The following AFF1 variants were observed in gnomAD, a reference collection of about 807,000 sequenced individuals.
AFF1 encodes AF4/FMR2 family member 1.
A neutral mutation model predicts 121.7 loss-of-function variants in AFF1; 48 were observed. That is an observed-to-expected ratio of 0.39 (90% CI 0.31 to 0.50). The LOEUF (loss-of-function observed/expected upper bound fraction) is 0.50, where lower values mean the gene tolerates loss of function less well. Ranked by LOEUF, AFF1 falls within the 20% of genes least tolerant of loss-of-function variation. AFF1 has a pLI of 0.76. For missense variants in AFF1, 1,523 were observed against 1,511.7 expected, an observed-to-expected ratio of 1.01 and a Z score of -0.12; for synonymous variants, 613 against 563.0, an observed-to-expected ratio of 1.09 and a Z score of -1.26.
chr4:86,945,793 A>G (rs1338199977), intron 1 of AFF1, among the ~76,000 whole-genome samples: 1 of 152,020 alleles, frequency 6.6e-6, no homozygotes, highest in African/African-American at 2.4e-5. Flanking sequence ...TGCTTGGCCC[A>G]TGGAGGATTA....
intron 4 of AFF1, among the ~76,000 whole-genome samples, chr4:87,072,198 C>T (rs529238510): frequency 3.4e-4 from 51 of 152,034 alleles, no homozygotes; most frequent in Non-Finnish European, 6.8e-4. Flanking sequence ...CCCGTCTCTA[C>T]TAAAAATACA....
chr4:86,973,952 G>C (rs1280214629), intron 2 of AFF1: 2 of 152,144 alleles, frequency 1.3e-5, no homozygotes, highest in Admixed American at 6.5e-5. Context: ...TGGCAGATAA[G>C]CACACAGCCA....
chr4:87,046,682 C>T lies in AFF1; in HGVS notation c.160-13C>T, dbSNP rs1381788524. On this transcript the variant is annotated splice_polypyrimidine_tract_variant and intron_variant, in intron 3 of 20. Transcript: ENST00000395146. ...TAGTTTTTTTTCATTCTCAAATTCTCCTTTTTTTTCAGACAGCAAAAGGTG... is the reference window on the plus strand; with the variant it reads ...TAGTTTTTTTTCATTCTCAAATTCTTCTTTTTTTTCAGACAGCAAAAGGTG... 2.5e-6 allele frequency: 4 copies of T among 1,582,180 alleles called. No homozygotes were observed. Among genetic ancestry groups the T allele is most frequent in the Non-Finnish European group, 2.6e-6 (3 of 1,164,408 alleles).
intron 4 of AFF1, among the ~76,000 whole-genome samples, chr4:87,051,622 G>A (rs901371284): frequency 2.6e-5 from 4 of 151,794 alleles, no homozygotes; most frequent in Admixed American, 2.6e-4. Flanking sequence ...CACCATGCCC[G>A]GCTAATTTTT....
At chr4:87,018,367 G>T (rs1331341562) in intron 2 of AFF1, among the ~76,000 whole-genome samples, 1 of 152,224 alleles carries the variant, frequency 6.6e-6, no homozygotes, top group South Asian at 2.1e-4. Flanking sequence ...TACTGTGAGG[G>T]AATAATAGGG....
intron 2 of AFF1, among the ~76,000 whole-genome samples, chr4:86,968,325 T>TA (rs1259592268): frequency 6.6e-6 from 1 of 152,210 alleles, no homozygotes; most frequent in Non-Finnish European, 1.5e-5. Context: ...ATTAATACAT[T>TA]AAATAATTTA....
chr4:87,072,450 T>A (rs556101606), intron 4 of AFF1, among the ~76,000 whole-genome samples: 2 of 151,752 alleles, frequency 1.3e-5, no homozygotes, highest in Non-Finnish European at 2.9e-5. Flanking sequence ...ACTTATTAAA[T>A]ACCTATTTAA....
chr4:87,029,158 G>A (rs1728823223), intron 2 of AFF1, among the ~76,000 whole-genome samples: 1 of 152,158 alleles, frequency 6.6e-6, no homozygotes, highest in South Asian at 2.1e-4. Flanking sequence ...CTAGCATTTG[G>A]TAAACTTTGA....
rs892073229 is a variant in AFF1 at position 87,074,138 on chromosome 4, GA to G, written c.1060-9970del. Among the ~76,000 whole-genome samples, 830 of 144,976 alleles carry G rather than the reference GA, an allele frequency of 5.7e-3. 6 individuals carry two copies. Among genetic ancestry groups the G allele is most frequent in the African/African-American group, 0.018 (731 of 39,710 alleles). ...TGCTTTGCAAATTGATAGTCCCACT[GA>G]AAAAAAAAAAATTAAATTCTTCCGA... On this transcript the variant is annotated intron_variant, in intron 4 of 20. Transcript: ENST00000395146.
In AFF1 at chr4:87,127,009, T is replaced by G; in HGVS notation, c.2812-17T>G. The G allele has an allele frequency of 6.4e-7, 1 of 1,566,274 alleles. No homozygotes were observed. The highest frequency in any genetic ancestry group is 8.8e-7 in the Non-Finnish European group (1 of 1,140,488). ...AAATGTTAGAGTGTAATCTGTATAT[T>G]GATTTTTTTTTTGAAGGGTTCTTCC... is the stretch of plus-strand genomic sequence containing the variant. On this transcript the variant is annotated splice_polypyrimidine_tract_variant and intron_variant, in intron 14 of 20. Coordinates refer to ENST00000395146, the MANE Select transcript of AFF1 (RefSeq NM_001166693.3).
rs370334479 is a variant in AFF1 at position 87,061,593 on chromosome 4, A to T, written c.1059+13999A>T. On this transcript the variant is annotated intron_variant, in intron 4 of 20. Coordinates refer to ENST00000395146, the MANE Select transcript of AFF1 (RefSeq NM_001166693.3). ...CTGGATTTTATTTTTTGTGTTAAAA[A>T]TGGGAAGAATTGGCAACATACAGTC... 3.9e-5 allele frequency among the ~76,000 whole-genome samples: 6 copies of T among 152,344 alleles called. No individual in the cohort carries two copies. In the East Asian group the frequency reaches 1.2e-3, roughly 29 times the overall value.
In AFF1 at chr4:87,046,860, A is replaced by G. The variant is rs761156221; in HGVS notation, c.325A>G (p.Ile109Val). Residue 109 changes from isoleucine to valine, a missense_variant, in exon 4 of 21, where the codon ATT becomes GTT. By Grantham distance (29) the Ile-to-Val change is conservative. Coordinates refer to ENST00000395146, the MANE Select transcript of AFF1 (RefSeq NM_001166693.3). Reference protein sequence around the residue: ...YPLIPDKGSSIPSSSFHTSVH... With the variant: ...YPLIPDKGSSVPSSSFHTSVH... ...TTTAATTCCTGACAAAGGGAGCAGC[A>G]TTCCATCCAGCTCCTTCCACACTAG... 6.2e-7 allele frequency: 1 copy of G among 1,614,224 alleles called. No homozygotes were observed. The highest frequency in any genetic ancestry group is 1.1e-5 in the South Asian group (1 of 91,084).
At chr4:87,061,313 T>G (rs539843387) in intron 4 of AFF1, among the ~76,000 whole-genome samples, 116 of 152,336 alleles carry the variant, frequency 7.6e-4, no homozygotes, top group Admixed American at 2.2e-3. Flanking sequence ...CCCTCCAGGC[T>G]GAGGACCTAT....
intron 2 of AFF1, among the ~76,000 whole-genome samples, chr4:87,041,156 C>T (rs554882644): frequency 5.9e-5 from 9 of 152,220 alleles, no homozygotes; most frequent in Admixed American, 2.0e-4. Flanking sequence ...AGATTACAGG[C>T]GTGAGCCACC....
At chr4:87,044,825 C>T (rs944278213) in intron 2 of AFF1, among the ~76,000 whole-genome samples, 1 of 152,124 alleles carries the variant, frequency 6.6e-6, no homozygotes, top group African/African-American at 2.4e-5. Context: ...GACTGACTGT[C>T]AAGTAGAATG....
chr4:87,005,756 G>A (rs1047370136), intron 2 of AFF1, among the ~76,000 whole-genome samples: 1 of 152,148 alleles, frequency 6.6e-6, no homozygotes, highest in African/African-American at 2.4e-5. Flanking sequence ...TTTAATGAAC[G>A]TAATAATTCT....
At chr4:86,941,944 G>GTT (rs76522559) in intron 1 of AFF1, among the ~76,000 whole-genome samples, 3 of 144,510 alleles carry the variant, frequency 2.1e-5, no homozygotes, top group African/African-American at 5.0e-5. Flanking sequence ...CCAATCCTCC[G>GTT]TTTTTTTTTT....
At chr4:87,022,763 C>CT (rs1560548114) in intron 2 of AFF1, among the ~76,000 whole-genome samples, 2 of 145,644 alleles carry the variant, frequency 1.4e-5, no homozygotes, top group Non-Finnish European at 3.0e-5. Context: ...TATATAATAT[C>CT]ATGTGTGTGT....
intron 1 of AFF1, among the ~76,000 whole-genome samples, chr4:86,936,832 G>C (rs1384625118): frequency 6.6e-6 from 1 of 152,198 alleles, no homozygotes; most frequent in Non-Finnish European, 1.5e-5. Flanking sequence ...GAGAAAAGCA[G>C]TGGTGAGAAC....
Sources: gnomAD v4.1 joint callset for allele counts (sites outside exome capture counted in the v4.1 genomes callset) on GRCh38, gnomAD v4.1.1 for gene constraint, MANE v1.5 for transcripts, NCBI Gene and HGNC (gene_info 2026-07-23, HGNC 2026-07-21) for gene names.